The following WASHC2C variants were observed in gnomAD, a reference collection of about 807,000 sequenced individuals.
The protein encoded by WASHC2C is Vaccinia Penetration Factor.
A neutral mutation model predicts 142.2 loss-of-function variants in WASHC2C; 73 were observed. The ratio of observed to expected loss-of-function variants is 0.51; its 90% CI spans 0.43 to 0.62. The LOEUF (loss-of-function observed/expected upper bound fraction) is 0.62, where lower values mean the gene tolerates loss of function less well. WASHC2C is among the 20% of genes least tolerant of loss of function. The pLI is 0.00. For missense variants in WASHC2C, 969 were observed against 1,531.7 expected (o/e 0.63, Z 6.13); for synonymous variants, 337 against 565.5 (o/e 0.60, Z 5.73).
At chr10:45,732,946 C>G (rs563038211) in intron 3 of WASHC2C, among the ~76,000 whole-genome samples, 13 of 152,388 alleles carry the variant, frequency 8.5e-5, no homozygotes, top group East Asian at 3.9e-4. Context: ...TCCCTCTCCC[C>G]CTAGACCTGC....
intron 23 of WASHC2C, among the ~76,000 whole-genome samples, chr10:45,784,268 A>ATATATC (rs1465902469): frequency 1.8e-4 from 1 of 5,466 alleles, no homozygotes; most frequent in African/African-American, 3.4e-4. Context: ...ATATATATAT[A>ATATATC]TATATATATA....
At chr10:45,754,690 T>A in intron 14 of WASHC2C, 145 bp downstream of exon 14, 1 of 1,028,526 alleles carries the variant, frequency 9.7e-7, no homozygotes, top group South Asian at 1.7e-5. Context: ...AAAGAGCTCA[T>A]TTACTGATAT....
At chr10:45,730,576 C>G (rs2050438598) in intron 3 of WASHC2C, among the ~76,000 whole-genome samples, 1 of 145,646 alleles carries the variant, frequency 6.9e-6, no homozygotes, top group South Asian at 2.3e-4. Flanking sequence ...GTCAGCACTT[C>G]TCTGCAGTCA....
Position 45,792,671 on chromosome 10 carries a change from G to C in WASHC2C, c.*271G>C, listed in dbSNP as rs1373334523. 7.4e-6 allele frequency: 4 copies of C among 537,840 alleles called. No homozygotes were observed. In the African/African-American group the frequency reaches 7.7e-5, roughly 10 times the overall value. 33.3% of individuals were successfully genotyped at this position (537,840 alleles called of 1,614,324 possible). A position where few individuals can be genotyped will look rare whatever the true frequency, so the allele number is the denominator to read the frequency against. The stretch of plus-strand genomic sequence containing the variant: ...TTGCTGGGGCCATAATATGCTTCAG[G>C]GTGTGTAAAAGAAGAAATCTCTTTG... On this transcript the variant is annotated 3_prime_UTR_variant, in exon 31 of 31. Coordinates refer to ENST00000623400, the MANE Select transcript of WASHC2C (RefSeq NM_001330074.2).
chr10:45,771,506 G>A, intron 20 of WASHC2C: 8 of 984,318 alleles, frequency 8.1e-6, no homozygotes, highest in Non-Finnish European at 9.6e-6. Context: ...ATCCAGGTTA[G>A]CTTATTCCCA....
intron 22 of WASHC2C, 127 bp downstream of exon 22, chr10:45,777,552 A>G: frequency 1.3e-6 from 1 of 761,216 alleles, no homozygotes; most frequent in Non-Finnish European, 2.2e-6. Context: ...TTGAAAACAT[A>G]GACAAGCAGG....
intron 5 of WASHC2C, among the ~76,000 whole-genome samples, 187 bp downstream of exon 5, chr10:45,740,433 G>A (rs560965801): frequency 1.1e-3 from 170 of 152,318 alleles, no homozygotes; most frequent in African/African-American, 3.8e-3. Flanking sequence ...TGAGGTGCAA[G>A]GCAACATGTC....
At chr10:45,753,411 A>G (rs1476009699) in intron 13 of WASHC2C, among the ~76,000 whole-genome samples, 174 bp downstream of exon 13, 2 of 144,794 alleles carry the variant, frequency 1.4e-5, no homozygotes, top group Non-Finnish European at 3.0e-5. Context: ...ATGTCTTGGA[A>G]AAAACAGTAC....
chr10:45,747,810 C>G (rs1374345021), intron 8 of WASHC2C, among the ~76,000 whole-genome samples: 1 of 151,124 alleles, frequency 6.6e-6, no homozygotes, highest in Non-Finnish European at 1.5e-5. Context: ...CCAGGCTGGT[C>G]TTGAGCTCAG....
intron 17 of WASHC2C, among the ~76,000 whole-genome samples, chr10:45,762,400 A>G (rs1452010998): frequency 1.3e-5 from 2 of 150,516 alleles, no homozygotes; most frequent in African/African-American, 4.9e-5. Context: ...TTACAAAATT[A>G]ATATAGGCTG....
At chr10:45,784,289 T>TACACACACAC (rs1213117183) in intron 23 of WASHC2C, among the ~76,000 whole-genome samples, 1 of 17,720 alleles carries the variant, frequency 5.6e-5, no homozygotes, top group African/African-American at 1.3e-4. Context: ...TATATATATA[T>TACACACACAC]ACACATATAT....
chr10:45,729,682 A>G (rs1183857304), intron 3 of WASHC2C, among the ~76,000 whole-genome samples: 1 of 150,748 alleles, frequency 6.6e-6, no homozygotes, highest in Non-Finnish European at 1.5e-5. Flanking sequence ...AGAGATGAGG[A>G]TGGAGAGGAA....
chr10:45,769,583 C>A lies in WASHC2C; in HGVS notation c.2004C>A (p.Asp668Glu), dbSNP rs541540207. The change falls in exon 20 of 31, where the codon GAC becomes GAA. Residue 668 changes from aspartate (D) to glutamate (E), a missense_variant. Transcript: ENST00000623400. ...AAAAGACCAGTCTCTTTGAGGAAGACAAAGAAGATGATCTTTTTGCCATTG... is the reference window on the plus strand; with the variant it reads ...AAAAGACCAGTCTCTTTGAGGAAGAAAAAGAAGATGATCTTTTTGCCATTG... ...AVKKTSLFEE[D>E]KEDDLFAIAK... is the part of the protein sequence containing the mutation. The A allele has an allele frequency of 6.2e-7, 1 of 1,611,888 alleles. No homozygotes were observed. Among genetic ancestry groups the A allele is most frequent in the African/African-American group, 1.3e-5 (1 of 74,924 alleles).
rs1554885971 is a variant in WASHC2C, at chr10:45,775,147, C to G, written c.2142+1789C>G. On this transcript the variant is annotated intron_variant, in intron 21 of 30. Coordinates refer to ENST00000623400, the MANE Select transcript of WASHC2C (RefSeq NM_001330074.2). ...ATGGCCAAGATGCAGCCATTTTAGA[C>G]AATTTTTTTTTCTTCAGACTTTCCT... 2.1e-5 allele frequency among the ~76,000 whole-genome samples: 3 copies of G among 144,694 alleles called. 1 individual carries two copies. Among genetic ancestry groups the G allele is most frequent in the African/African-American group, 7.8e-5 (3 of 38,384 alleles). The allele number at this position is 144,694 out of a possible 152,430, so 94.9% of individuals were successfully genotyped here.
intron 3 of WASHC2C, among the ~76,000 whole-genome samples, chr10:45,735,854 A>G (rs1279731041): frequency 6.6e-6 from 1 of 152,208 alleles, no homozygotes; most frequent in African/African-American, 2.4e-5. Flanking sequence ...GTATGCTGCT[A>G]GTGACAGGGA....
At chr10:45,759,436 TC>T in intron 17 of WASHC2C, 35 bp downstream of exon 17, 1 of 1,442,284 alleles carries the variant, frequency 6.9e-7, no homozygotes, top group South Asian at 1.2e-5. Context: ...TGGGTATTAG[TC>T]TATGGATATG....
At chr10:45,770,731 A>G (rs566921582) in intron 20 of WASHC2C, among the ~76,000 whole-genome samples, 8 of 152,336 alleles carry the variant, frequency 5.3e-5, no homozygotes, top group Middle Eastern at 3.4e-3. Flanking sequence ...TCTGATTTAG[A>G]ATATAGGCTC....
At chr10:45,739,591 T>C (rs1437573357) in intron 4 of WASHC2C, among the ~76,000 whole-genome samples, 1 of 151,366 alleles carries the variant, frequency 6.6e-6, no homozygotes, top group African/African-American at 2.4e-5. Flanking sequence ...ATTTATAAAA[T>C]AATTGTAATT....
chr10:45,755,065 A>T lies in WASHC2C; in HGVS notation c.1370A>T (p.Asp457Val). 1 of 1,611,664 alleles carries T rather than the reference A, an allele frequency of 6.2e-7. No individual in the cohort carries two copies. The highest frequency in any genetic ancestry group is 8.5e-7 in the Non-Finnish European group (1 of 1,179,788). ...PTGLFDDDDG[D>V]DDDDFFSAPH... ...GGCCTCTTTGATGATGATGATGGTG[A>T]TGATGATGACGACTTTTTCTCGGCA... The change falls in exon 15 of 31, where the codon GAT (aspartate) becomes GTT (valine). Residue 457 changes from aspartate (D) to valine (V), a missense_variant. Transcript: ENST00000623400.
Sources: allele counts gnomAD v4.1 joint callset (sites outside exome capture counted in the v4.1 genomes callset), GRCh38; gene constraint gnomAD v4.1.1; transcripts MANE v1.5; gene names NCBI Gene and HGNC (gene_info 2026-07-23, HGNC 2026-07-21).